The following CNOT6L variants were observed in gnomAD, a reference collection of about 807,000 sequenced individuals.
The protein encoded by CNOT6L is CCR4-NOT transcription complex subunit 6-like.
In CNOT6L, 7 loss-of-function variants were observed where a neutral mutation model predicts 64.0. That is an observed-to-expected ratio of 0.11 (90% confidence interval 0.06 to 0.21). The LOEUF is 0.21. CNOT6L is among the 10% of genes least tolerant of loss of function. CNOT6L has a pLI of 1.00. For missense variants in CNOT6L, 245 were observed against 669.0 expected (o/e 0.37, Z 6.99); for synonymous variants, 193 against 243.4 (o/e 0.79, Z 1.93).
At chr4:77,741,164 A>C (rs774738329) in intron 8 of CNOT6L, among the ~76,000 whole-genome samples, 9 of 152,362 alleles carry the variant, frequency 5.9e-5, no homozygotes, top group Admixed American at 1.3e-4. Flanking sequence ...GCTTTGTACT[A>C]ATTATTAACC....
At position 77,720,327 on chromosome 4, in the gene CNOT6L, G is replaced by A; in HGVS notation, c.*104C>T. 1 of 1,267,002 alleles carries A rather than the reference G, an allele frequency of 7.9e-7. No individual in the cohort carries two copies. The highest frequency in any genetic ancestry group is 1.1e-6 in the Non-Finnish European group (1 of 898,396). The allele number at this position is 1,267,002 out of a possible 1,614,324, so 78.5% of individuals were successfully genotyped here. On this transcript the variant is annotated 3_prime_UTR_variant, in exon 12 of 12. Transcript: ENST00000504123. ...AGCAAACACATAATGAAAGAAACCT[G>A]AAGAAGCAGCTTAAGGATGGCCATA...
chr4:77,798,698 A>G (rs1020776669), intron 1 of CNOT6L, among the ~76,000 whole-genome samples: 3 of 152,172 alleles, frequency 2.0e-5, no homozygotes, highest in African/African-American at 7.2e-5. Context: ...TTAAAAAGGT[A>G]AACAGGCCAG....
At chr4:77,779,610 C>A (rs1480890808) in intron 1 of CNOT6L, among the ~76,000 whole-genome samples, 1 of 151,680 alleles carries the variant, frequency 6.6e-6, no homozygotes, top group Non-Finnish European at 1.5e-5. Context: ...AAAGTAAGAT[C>A]AATACTGCCA....
At chr4:77,774,497 A>T in intron 3 of CNOT6L, 33 bp downstream of exon 3, 1 of 1,516,714 alleles carries the variant, frequency 6.6e-7, no homozygotes, top group Non-Finnish European at 8.9e-7. Flanking sequence ...TTAGAATTTT[A>T]TATAGTGAGT....
chr4:77,771,289 C>T (rs1727529725), intron 4 of CNOT6L, among the ~76,000 whole-genome samples: 1 of 152,026 alleles, frequency 6.6e-6, no homozygotes, highest in Admixed American at 6.5e-5. Flanking sequence ...AAGATCATGC[C>T]ATTGCACTCC....
intron 1 of CNOT6L, among the ~76,000 whole-genome samples, chr4:77,777,143 T>C (rs956422178): frequency 9.2e-5 from 14 of 152,252 alleles, no homozygotes; most frequent in Admixed American, 2.6e-4. Context: ...AAAAGTGTCC[T>C]AATTAGTATG....
chr4:77,725,198 C>T (rs1420926309), intron 11 of CNOT6L, among the ~76,000 whole-genome samples: 1 of 152,110 alleles, frequency 6.6e-6, no homozygotes, highest in East Asian at 1.9e-4. Context: ...AGTAACAACA[C>T]ACGAATTTCT....
At chr4:77,797,042 C>T (rs897423307) in intron 1 of CNOT6L, among the ~76,000 whole-genome samples, 3 of 132,692 alleles carry the variant, frequency 2.3e-5, no homozygotes, top group East Asian at 2.4e-4. Flanking sequence ...ATGATGGTGC[C>T]GCTGCAGTGA....
chr4:77,814,045 T>C (rs1210663510), intron 1 of CNOT6L, among the ~76,000 whole-genome samples: 1 of 152,170 alleles, frequency 6.6e-6, no homozygotes, highest in Non-Finnish European at 1.5e-5. Context: ...TGACATACTA[T>C]TCAGCCATTA....
chr4:77,735,252 T>G (rs1577928565), intron 8 of CNOT6L, among the ~76,000 whole-genome samples: 1 of 152,112 alleles, frequency 6.6e-6, no homozygotes, highest in East Asian at 1.9e-4. Flanking sequence ...CAATTCTGCT[T>G]CCTCCCCTTT....
chr4:77,714,035 T>C lies in CNOT6L; in HGVS notation c.*6396A>G, dbSNP rs1720462577. 6.6e-6 allele frequency: 1 copy of C among 152,576 alleles called. No homozygotes were observed. Among genetic ancestry groups the C allele is most frequent in the Non-Finnish European group, 1.5e-5 (1 of 68,026 alleles). 9.5% of individuals were successfully genotyped at this position (152,576 alleles called of 1,614,324 possible). A position where few individuals can be genotyped will look rare whatever the true frequency, so the allele number is the denominator to read the frequency against. On this transcript the variant is annotated 3_prime_UTR_variant, in exon 12 of 12. Coordinates refer to ENST00000504123, the MANE Select transcript of CNOT6L (RefSeq NM_144571.3). ...TCTTAGAACAAAAGCAAAGTAAATA[T>C]ACAACCTAAAACAGCAGAATTTGTT...
intron 1 of CNOT6L, among the ~76,000 whole-genome samples, chr4:77,780,456 A>G (rs555512511): frequency 6.6e-6 from 1 of 152,306 alleles, no homozygotes; most frequent in East Asian, 1.9e-4. Context: ...ACACCTTTCC[A>G]ACTTTGCCAT....
intron 1 of CNOT6L, among the ~76,000 whole-genome samples, chr4:77,782,164 T>C (rs1728932033): frequency 6.6e-6 from 1 of 152,178 alleles, no homozygotes; most frequent in Non-Finnish European, 1.5e-5. Context: ...ACATGTTTTT[T>C]TGTGTCTTAC....
At chr4:77,798,783 A>T (rs1177842510) in intron 1 of CNOT6L, among the ~76,000 whole-genome samples, 1 of 151,182 alleles carries the variant, frequency 6.6e-6, no homozygotes, top group Admixed American at 6.6e-5. Context: ...CAGGAGTTCA[A>T]CATGAGCCTG....
Position 77,773,169 on chromosome 4 carries a change from G to GT in CNOT6L, c.315-4dup, listed in dbSNP as rs771900302. On this transcript the variant is annotated splice_polypyrimidine_tract_variant and splice_region_variant and intron_variant, in intron 3 of 11. Transcript: ENST00000504123. ...GATTGTTATTTAAAAGCAATTCCCT[G>GT]TTTTAAAAAAAAAAAAAAAATTAGT... is the stretch of plus-strand genomic sequence containing the variant. 44 of 1,452,530 alleles carry GT rather than the reference G, an allele frequency of 3.0e-5. No individual in the cohort carries two copies. In the African/African-American group the frequency reaches 5.1e-4, roughly 17 times the overall value. The allele number at this position is 1,452,530 out of a possible 1,614,324, so 90.0% of individuals were successfully genotyped here. A position where few individuals can be genotyped will look rare whatever the true frequency, so the allele number is the denominator to read the frequency against.
chr4:77,741,149 A>G (rs1723542277), intron 8 of CNOT6L, among the ~76,000 whole-genome samples: 1 of 152,234 alleles, frequency 6.6e-6, no homozygotes, highest in Admixed American at 6.5e-5. Context: ...CTCAAATACT[A>G]CAAGGCTTTG....
chr4:77,804,681 G>T (rs1007418415), intron 1 of CNOT6L, among the ~76,000 whole-genome samples: 1 of 152,148 alleles, frequency 6.6e-6, no homozygotes, highest in South Asian at 2.1e-4. Context: ...TTTGCTTGTA[G>T]TGGTGGTTGG....
At chr4:77,725,182 C>G (rs1046042260) in intron 11 of CNOT6L, among the ~76,000 whole-genome samples, 1 of 152,092 alleles carries the variant, frequency 6.6e-6, no homozygotes. Flanking sequence ...ATTATGAAAG[C>G]TGATTAGTAA....
In CNOT6L at chr4:77,715,603, G is replaced by A. The variant is rs1184686432; in HGVS notation, c.*4828C>T. 6.6e-6 allele frequency: 1 copy of A among 152,176 alleles called. No individual in the cohort carries two copies. The highest frequency in any genetic ancestry group is 1.5e-5 in the Non-Finnish European group (1 of 67,984). The allele number at this position is 152,176 out of a possible 1,614,324, so 9.4% of individuals were successfully genotyped here. On this transcript the variant is annotated 3_prime_UTR_variant, in exon 12 of 12. Coordinates refer to ENST00000504123, the MANE Select transcript of CNOT6L (RefSeq NM_144571.3). The stretch of plus-strand genomic sequence containing the variant: ...ACCCTATTTCCTGGTGTAGGACCTG[G>A]GGTTTAATAGAGACATTTACATAAA...
Sources: gnomAD v4.1 joint callset for allele counts (sites outside exome capture counted in the v4.1 genomes callset) on GRCh38, gnomAD v4.1.1 for gene constraint, MANE v1.5 for transcripts, NCBI Gene and HGNC (gene_info 2026-07-23, HGNC 2026-07-21) for gene names.